The following ZNF556 variants were observed in gnomAD, a reference collection of about 807,000 sequenced individuals.
ZNF556 encodes the protein zinc finger protein 556.
In ZNF556, 11 loss-of-function variants were observed where a neutral mutation model predicts 13.6. That is an observed-to-expected ratio of 0.81 (90% confidence interval 0.51 to 1.33). The LOEUF (loss-of-function observed/expected upper bound fraction) is 1.33. ZNF556 is among the 40% of genes most tolerant of loss of function. ZNF556 has a pLI of 0.00. For synonymous variants in ZNF556, 229 were observed against 207.8 expected (o/e 1.10, Z -0.88); for missense variants, 633 against 566.2 (o/e 1.12, Z -1.20).
Position 2,878,517 on chromosome 19 carries a change from A to AG in ZNF556, c.*188_*189insG, listed in dbSNP as rs1176842233. ...CCCGTCTCTACTAAAAAAAAAAAAAATACAAAAAATTAGCCGGGCGTGGTG... is the reference window on the plus strand; with the variant it reads ...CCCGTCTCTACTAAAAAAAAAAAAAAGTACAAAAAATTAGCCGGGCGTGGTG... On this transcript the variant is annotated 3_prime_UTR_variant, in exon 4 of 4. Transcript: ENST00000307635. The AG allele has an allele frequency of 1.0e-5, 5 of 496,460 alleles. No individual in the cohort carries two copies. In the Admixed American group the frequency reaches 1.2e-4, roughly 12 times the overall value. 30.8% of individuals were successfully genotyped at this position (496,460 alleles called of 1,614,324 possible).
At chr19:2,867,465 G>T (rs375404451) in intron 1 of ZNF556, 41 bp downstream of exon 1, 197 of 1,573,190 alleles carry the variant, frequency 1.3e-4, no homozygotes, top group Non-Finnish European at 1.6e-4. Context: ...CGGAGCCCTG[G>T]GAGGGGAGGG....
At chr19:2,877,108 G>A (rs924837010) in intron 3 of ZNF556, among the ~76,000 whole-genome samples, 165 bp from the exon 4 acceptor site, 1 of 152,044 alleles carries the variant, frequency 6.6e-6, no homozygotes, top group Admixed American at 6.6e-5. Context: ...AGCTGCTCAG[G>A]AGGCTGAGAC....
chr19:2,874,761 AG>A (rs200934607), intron 2 of ZNF556, among the ~76,000 whole-genome samples: 10,428 of 139,152 alleles, frequency 0.075, 767 homozygotes, highest in African/African-American at 0.18. Context: ...AAAAAAAAAA[AG>A]AAAGAAAGAA....
chr19:2,873,479 T>TA lies in ZNF556; in HGVS notation c.4-16dup. The TA allele has an allele frequency of 6.2e-7, 1 of 1,613,606 alleles. No individual in the cohort carries two copies. Among genetic ancestry groups the TA allele is most frequent in the South Asian group, 1.1e-5 (1 of 91,060 alleles). On this transcript the variant is annotated splice_polypyrimidine_tract_variant and intron_variant, in intron 1 of 3. Transcript: ENST00000307635. ...GTTTTACCCCATCCTCATGTACACATATGTGGTTTGTTTTAGGACACAGTG... is the reference window on the plus strand; with the variant it reads ...GTTTTACCCCATCCTCATGTACACATAATGTGGTTTGTTTTAGGACACAGTG...
Position 2,877,484 on chromosome 19 carries a change from A to G in ZNF556, c.526A>G (p.Lys176Glu). 1 of 1,614,194 alleles carries G rather than the reference A, an allele frequency of 6.2e-7. No homozygotes were observed. The highest frequency in any genetic ancestry group is 8.5e-7 in the Non-Finnish European group (1 of 1,180,044). The change falls in exon 4 of 4, where the codon AAA becomes GAA. Residue 176 changes from lysine to glutamate, a missense_variant. Transcript: ENST00000307635. ...KRAHSGQKLY[K>E]CKECGKAFSR... The stretch of plus-strand genomic sequence containing the variant: ...AGCTCACTCTGGACAAAAATTATAT[A>G]AATGTAAGGAATGTGGGAAAGCCTT...
chr19:2,876,239 G>A lies in ZNF556; in HGVS notation c.277G>A (p.Val93Ile), dbSNP rs372566625. The A allele has an allele frequency of 8.8e-5, 142 of 1,605,942 alleles. No individual in the cohort carries two copies. Among genetic ancestry groups the A allele is most frequent in the East Asian group, 5.2e-4 (23 of 44,560 alleles). The change falls in exon 3 of 4, where the codon GTT becomes ATT. Residue 93 changes from valine to isoleucine, a missense_variant. Physicochemically the swap from Val to Ile is conservative, Grantham distance 29. Coordinates refer to ENST00000307635, the MANE Select transcript of ZNF556 (RefSeq NM_024967.3). ...AGGAAAAAATTGGGAAGAACATAGC[G>A]TTAAAGACAAGCACAACACCAAGGA... Reference protein sequence around the residue: ...LLGKNWEEHSVKDKHNTKERH... With the variant: ...LLGKNWEEHSIKDKHNTKERH...
chr19:2,875,941 G>A (rs2144890282), intron 2 of ZNF556, 152 bp from the exon 3 acceptor site: 1 of 656,628 alleles, frequency 1.5e-6, no homozygotes, highest in East Asian at 3.9e-5. Context: ...TCCAGCCTGG[G>A]CGACAGAGTG....
In ZNF556 at chr19:2,882,584, T is replaced by G. The variant is rs527868180; in HGVS notation, c.*4255T>G. On this transcript the variant is annotated 3_prime_UTR_variant, in exon 4 of 4. Coordinates refer to ENST00000307635, the MANE Select transcript of ZNF556 (RefSeq NM_024967.3). ...TGTGTGTGAATGTGTGTGACGGAGT[T>G]TTGCTCTGTTGCCAGGCTGGAGTGC... 3 of 135,258 alleles carry G rather than the reference T, an allele frequency of 2.2e-5. No individual in the cohort carries two copies. The highest frequency in any genetic ancestry group is 8.4e-5 in the African/African-American group (3 of 35,864). 8.4% of individuals were successfully genotyped at this position (135,258 alleles called of 1,614,324 possible).
chr19:2,869,761 C>T (rs1022466576), intron 1 of ZNF556, among the ~76,000 whole-genome samples: 6 of 152,222 alleles, frequency 3.9e-5, no homozygotes, highest in Non-Finnish European at 8.8e-5. Context: ...CGCCTCCTAA[C>T]TGGTGTCCCG....
At position 2,877,409 on chromosome 19, in the gene ZNF556, C is replaced by A; in HGVS notation, c.451C>A (p.Gln151Lys). The A allele has an allele frequency of 6.2e-7, 1 of 1,614,154 alleles. No individual in the cohort carries two copies. The highest frequency in any genetic ancestry group is 1.1e-5 in the South Asian group (1 of 91,078). Residue 151 changes from glutamine (Q) to lysine (K), a missense_variant, in exon 4 of 4, where the codon CAG becomes AAG. Transcript: ENST00000307635. ...TAGTGTAAGACGGTACGAATGCAGT[C>A]AGTGTGGAAAACTCTTCACCCATTC... ...CTSVRRYECS[Q>K]CGKLFTHSSS...
At chr19:2,871,595 C>T (rs1466307958) in intron 1 of ZNF556, among the ~76,000 whole-genome samples, 1 of 152,110 alleles carries the variant, frequency 6.6e-6, no homozygotes. Flanking sequence ...GGGTGGATCA[C>T]GAGGCCAGGG....
At chr19:2,870,392 C>G (rs536266899) in intron 1 of ZNF556, among the ~76,000 whole-genome samples, 1 of 152,028 alleles carries the variant, frequency 6.6e-6, no homozygotes, top group Non-Finnish European at 1.5e-5. Flanking sequence ...TTCAAGGCTG[C>G]GGCGAGTTCT....
intron 2 of ZNF556, among the ~76,000 whole-genome samples, chr19:2,873,851 A>G (rs144174370): frequency 2.8e-3 from 419 of 151,872 alleles, no homozygotes; most frequent in African/African-American, 9.3e-3. Context: ...TAGCTACTTG[A>G]GAGGCTGAGG....
rs539871171 is a variant in ZNF556, at chr19:2,879,768, C to A, written c.*1439C>A. 2 of 151,366 alleles carry A rather than the reference C, an allele frequency of 1.3e-5. No homozygotes were observed. The highest frequency in any genetic ancestry group is 2.0e-4 in the East Asian group (1 of 5,072). The allele number at this position is 151,366 out of a possible 1,614,324, so 9.4% of individuals were successfully genotyped here. ...GATTGCGGCTGGGCGCGGTGACTCA[C>A]GCCTGTAATCCCAGCACTTTGGGAG... is the stretch of plus-strand genomic sequence containing the variant. On this transcript the variant is annotated 3_prime_UTR_variant, in exon 4 of 4. Transcript: ENST00000307635.
At chr19:2,870,189 G>A (rs544189392) in intron 1 of ZNF556, among the ~76,000 whole-genome samples, 157 of 152,322 alleles carry the variant, frequency 1.0e-3, no homozygotes, top group African/African-American at 3.7e-3. Context: ...CCCCATGCCT[G>A]TAATCCCAGC....
At position 2,878,296 on chromosome 19, in the gene ZNF556, T is replaced by C. The variant is rs1298579733; in HGVS notation, c.1338T>C (p.Ser446=). ...AAGCCTTTCAAGGTCATGTGAGAAG[T>C]CACACAGGAAAGAAATCCTGTACAT... is the stretch of plus-strand genomic sequence containing the variant. ...CPKAFQGHVR[S]HTGKKSCTSK The change falls in exon 4 of 4, where the codon AGT becomes AGC. Residue 446 remains serine, a synonymous_variant. Transcript: ENST00000307635. 6.2e-7 allele frequency: 1 copy of C among 1,613,928 alleles called. No homozygotes were observed. Among genetic ancestry groups the C allele is most frequent in the Non-Finnish European group, 8.5e-7 (1 of 1,179,984 alleles).
In ZNF556 at chr19:2,882,565, T is replaced by TGTGTGTGTGA. The variant is rs1441523569; in HGVS notation, c.*4237_*4238insTGTGTGTGAG. Reference sequence around the variant, plus strand: ...GTGTGTGTGTGTGTGTGTGTGTGTGTGAATGTGTGTGACGGAGTTTTGCTC... The same window carrying TGTGTGTGTGA: ...GTGTGTGTGTGTGTGTGTGTGTGTGTGTGTGTGTGAGAATGTGTGTGACGGAGTTTTGCTC... On this transcript the variant is annotated 3_prime_UTR_variant, in exon 4 of 4. Coordinates refer to ENST00000307635, the MANE Select transcript of ZNF556 (RefSeq NM_024967.3). The TGTGTGTGTGA allele has an allele frequency of 6.0e-5, 9 of 150,926 alleles. No homozygotes were observed. Among genetic ancestry groups the TGTGTGTGTGA allele is most frequent in the African/African-American group, 2.0e-4 (8 of 40,470 alleles). 9.3% of individuals were successfully genotyped at this position (150,926 alleles called of 1,614,324 possible).
intron 2 of ZNF556, among the ~76,000 whole-genome samples, chr19:2,874,054 C>T (rs952846414): frequency 1.3e-5 from 2 of 149,044 alleles, no homozygotes; most frequent in Non-Finnish European, 3.0e-5. Context: ...CTCAGGAGTT[C>T]GAGACCAGCC....
chr19:2,876,013 C>A (rs148389939), intron 2 of ZNF556, 80 bp from the exon 3 acceptor site: 2 of 1,174,646 alleles, frequency 1.7e-6, no homozygotes, highest in East Asian at 2.6e-5. Flanking sequence ...ATAATGAAGT[C>A]ATGAAACAAT....
Sources: allele counts gnomAD v4.1 joint callset (sites outside exome capture counted in the v4.1 genomes callset), GRCh38; gene constraint gnomAD v4.1.1; transcripts MANE v1.5; gene names NCBI Gene and HGNC (gene_info 2026-07-23, HGNC 2026-07-21).